Variants in ACADL observed in about 807,000 individuals in gnomAD.
ACADL encodes acyl-CoA dehydrogenase long chain.
ACADL carries 60 observed loss-of-function variants against 56.9 expected under a neutral mutation model. The observed-to-expected ratio is 1.05, with a 90% CI of 0.86 to 1.31. The LOEUF (loss-of-function observed/expected upper bound fraction) is 1.31. Ranked by LOEUF, ACADL falls within the 50% of genes most tolerant of loss-of-function variation. ACADL has a pLI of 0.00. For synonymous variants in ACADL, 158 were observed against 179.7 expected, an observed-to-expected ratio of 0.88 and a Z score of 0.97; for missense variants, 484 against 525.5, an observed-to-expected ratio of 0.92 and a Z score of 0.77.
chr2:210,199,237 A>C lies in ACADL; in HGVS notation c.985-3899T>G, dbSNP rs73065822. On this transcript the variant is annotated intron_variant, in intron 8 of 10. Transcript: ENST00000233710. ...GCTTGAAATATGAAAATATTATTCA[A>C]ATATATTTATTTAGATAAAATAGGA... Among the ~76,000 whole-genome samples, 1,300 of 152,248 alleles carry C rather than the reference A, an allele frequency of 8.5e-3. 20 individuals are homozygous for C. Among genetic ancestry groups the C allele is most frequent in the African/African-American group, 0.029 (1,196 of 41,562 alleles).
chr2:210,195,204 T>A lies in ACADL; in HGVS notation c.1112+7A>T. The A allele has an allele frequency of 6.2e-7, 1 of 1,613,854 alleles. No homozygotes were observed. ...ACACCGCACTCTAATTACTGTAGCATGCATACCAATATTTCGCCATGCAAG... is the reference window on the plus strand; with the variant it reads ...ACACCGCACTCTAATTACTGTAGCAAGCATACCAATATTTCGCCATGCAAG... On this transcript the variant is annotated splice_region_variant and intron_variant, in intron 9 of 10. Coordinates refer to ENST00000233710, the MANE Select transcript of ACADL (RefSeq NM_001608.4).
intron 8 of ACADL, among the ~76,000 whole-genome samples, chr2:210,197,343 C>T (rs1688726719): frequency 6.6e-6 from 1 of 152,128 alleles, no homozygotes; most frequent in African/African-American, 2.4e-5. Flanking sequence ...TCAAAACTTT[C>T]TTCCCCGCTT....
In ACADL at chr2:210,210,236, G is replaced by T. The variant is rs749833302; in HGVS notation, c.563C>A (p.Ala188Asp). The T allele has an allele frequency of 1.9e-6, 3 of 1,612,176 alleles. No homozygotes were observed. The African/African-American group carries it at 4.0e-5, about 22-fold the overall frequency. ...AATCCAGTCACTTCCATCCTTTTTA[G>T]CATTTGTTTTTATTCCCTGTAAGTC... ...GSDLQGIKTN[A>D]KKDGSDWILN... The change falls in exon 5 of 11, where the codon GCT (alanine) becomes GAT (aspartate). Residue 188 changes from alanine (A) to aspartate (D), a missense_variant. Physicochemically the swap from Ala to Asp is moderately radical, Grantham distance 126. Coordinates refer to ENST00000233710, the MANE Select transcript of ACADL (RefSeq NM_001608.4).
At chr2:210,201,118 C>T (rs1218552586) in intron 8 of ACADL, among the ~76,000 whole-genome samples, 1 of 152,116 alleles carries the variant, frequency 6.6e-6, no homozygotes, top group Admixed American at 6.6e-5. Context: ...GGTGGAGCCT[C>T]GGGAAGTTCA....
Position 210,225,197 on chromosome 2 carries a change from G to C in ACADL, c.67C>G (p.Pro23Ala). 3 of 1,535,938 alleles carry C rather than the reference G, an allele frequency of 2.0e-6. No individual in the cohort carries two copies. The highest frequency in any genetic ancestry group is 2.0e-5 in the Admixed American group (1 of 51,206). The change falls in exon 1 of 11, where the codon CCC (proline) becomes GCC (alanine). Residue 23 changes from proline (P) to alanine (A), a missense_variant. Transcript: ENST00000233710. ...CCGGCTGGCACTCACCGCGCGGCGG[G>C]CAGCTGGCGCGGCGCACGGTGGCCG... is the stretch of plus-strand genomic sequence containing the variant. ...LGGHRAPRQL[P>A]AARCSHSGGE...
chr2:210,207,807 G>A (rs984674018), intron 5 of ACADL, among the ~76,000 whole-genome samples: 1 of 152,164 alleles, frequency 6.6e-6, no homozygotes, highest in East Asian at 1.9e-4. Flanking sequence ...GGTTATAGGT[G>A]ACACAATAAT....
At chr2:210,192,553 G>GT (rs1426384668) in intron 10 of ACADL, among the ~76,000 whole-genome samples, 1 of 151,656 alleles carries the variant, frequency 6.6e-6, no homozygotes, top group Non-Finnish European at 1.5e-5. Context: ...TCTACATAAG[G>GT]ATTCAAATAA....
chr2:210,215,357 C>A (rs1689068547), intron 4 of ACADL, among the ~76,000 whole-genome samples: 1 of 152,172 alleles, frequency 6.6e-6, no homozygotes, highest in African/African-American at 2.4e-5. Flanking sequence ...GCCAAAACCT[C>A]TTCTCCATTC....
At chr2:210,195,187 C>A (rs1298985286) in intron 9 of ACADL, 24 bp downstream of exon 9, 4 of 1,613,502 alleles carry the variant, frequency 2.5e-6, no homozygotes, top group Non-Finnish European at 3.4e-6. Flanking sequence ...ACACACCGCA[C>A]TCTAATTACT....
chr2:210,225,338 G>A lies in ACADL; in HGVS notation c.-75C>T. On this transcript the variant is annotated 5_prime_UTR_variant, in exon 1 of 11. Coordinates refer to ENST00000233710, the MANE Select transcript of ACADL (RefSeq NM_001608.4). ...CGGCGACTCGGGGCAGGGTCCCCGGGAGGGAGGACGATCAGCTGAGGCGTC... is the reference window on the plus strand; with the variant it reads ...CGGCGACTCGGGGCAGGGTCCCCGGAAGGGAGGACGATCAGCTGAGGCGTC... The A allele has an allele frequency of 6.8e-7, 1 of 1,472,538 alleles. No homozygotes were observed. Among genetic ancestry groups the A allele is most frequent in the South Asian group, 1.2e-5 (1 of 81,618 alleles). 91.2% of individuals were successfully genotyped at this position (1,472,538 alleles called of 1,614,324 possible). A position where few individuals can be genotyped will look rare whatever the true frequency, so the allele number is the denominator to read the frequency against.
intron 1 of ACADL, among the ~76,000 whole-genome samples, chr2:210,222,329 C>CT (rs1280870337): frequency 6.6e-6 from 1 of 151,524 alleles, no homozygotes; most frequent in African/African-American, 2.4e-5. Context: ...GAGTATGTGC[C>CT]TGGGGGGAGG....
Position 210,220,778 on chromosome 2 carries a change from T to C in ACADL, c.102A>G (p.Glu34=). The change falls in exon 2 of 11, where the codon GAA becomes GAG. Residue 34 remains glutamate, a synonymous_variant. Transcript: ENST00000233710. ...TTTTAGCAGAAGGAGTTTCTAGACG[T>C]TCTTCCCCTCCGGAATGAGAACATC... ...AARCSHSGGE[E]RLETPSAKKL... 1 of 1,609,982 alleles carries C rather than the reference T, an allele frequency of 6.2e-7. No homozygotes were observed. Among genetic ancestry groups the C allele is most frequent in the African/African-American group, 1.3e-5 (1 of 74,944 alleles).
chr2:210,188,856 G>T lies in ACADL; in HGVS notation c.*105C>A, dbSNP rs1688587294. On this transcript the variant is annotated 3_prime_UTR_variant, in exon 11 of 11. Transcript: ENST00000233710. ...TATTTCCTTCTCTATAGAGAGAGCA[G>T]GTAAAAACATGTTTAGTGTTTCCTC... is the stretch of plus-strand genomic sequence containing the variant. 1.2e-6 allele frequency: 1 copy of T among 816,450 alleles called. No individual in the cohort carries two copies. 50.6% of individuals were successfully genotyped at this position (816,450 alleles called of 1,614,324 possible).
chr2:210,205,829 A>G (rs1688879308), intron 5 of ACADL, 33 bp from the exon 6 acceptor site: 1 of 1,610,308 alleles, frequency 6.2e-7, no homozygotes, highest in East Asian at 2.2e-5. Flanking sequence ...TTAATGCACC[A>G]TGATAATTCA....
chr2:210,214,237 G>C (rs901943471), intron 4 of ACADL, among the ~76,000 whole-genome samples: 2 of 151,962 alleles, frequency 1.3e-5, no homozygotes, highest in African/African-American at 2.4e-5. Flanking sequence ...CTGAGGGCAG[G>C]CAAAATGAAC....
At chr2:210,208,592 T>A (rs1265317298) in intron 5 of ACADL, among the ~76,000 whole-genome samples, 1 of 152,170 alleles carries the variant, frequency 6.6e-6, no homozygotes, top group Admixed American at 6.5e-5. Flanking sequence ...TTGCAGATAT[T>A]GTATAGAGAA....
chr2:210,224,575 T>C, intron 1 of ACADL: 1 of 985,462 alleles, frequency 1.0e-6, no homozygotes. Context: ...GACTCTGTCT[T>C]CATTAATCCT....
At chr2:210,216,196 A>G in intron 4 of ACADL, 151 bp downstream of exon 4, 2 of 798,888 alleles carry the variant, frequency 2.5e-6, no homozygotes, top group Non-Finnish European at 4.2e-6. Context: ...AATCCGCTTT[A>G]TTGTTATTTT....
At chr2:210,204,559 G>T in intron 7 of ACADL, 22 bp downstream of exon 7, 1 of 1,458,890 alleles carries the variant, frequency 6.9e-7, no homozygotes, top group South Asian at 1.1e-5. Context: ...GTCAAAAGAT[G>T]GAATCTTTAA....
Sources: allele counts gnomAD v4.1 joint callset (sites outside exome capture counted in the v4.1 genomes callset), GRCh38; gene constraint gnomAD v4.1.1; transcripts MANE v1.5; gene names NCBI Gene and HGNC (gene_info 2026-07-23, HGNC 2026-07-21).